VSTM2L: variants seen among roughly 807,000 people sequenced by gnomAD.
VSTM2L encodes V-set and transmembrane domain-containing protein 2-like protein.
A neutral mutation model predicts 19.9 loss-of-function variants in VSTM2L; 9 were observed. The ratio of observed to expected loss-of-function variants is 0.45; its 90% CI spans 0.27 to 0.79. VSTM2L has a LOEUF of 0.79. Ranked by LOEUF, VSTM2L falls within the 30% of genes least tolerant of loss-of-function variation. The probability of loss-of-function intolerance (pLI) is 0.15; values close to 1 mark genes in which losing one functional copy is unlikely to be tolerated. For synonymous variants in VSTM2L, 127 were observed against 133.8 expected, an observed-to-expected ratio of 0.95 and a Z score of 0.35; for missense variants, 286 against 295.5, an observed-to-expected ratio of 0.97 and a Z score of 0.24.
At chr20:37,927,708 G>C (rs114788093) in intron 1 of VSTM2L, among the ~76,000 whole-genome samples, 3 of 152,138 alleles carry the variant, frequency 2.0e-5, no homozygotes, top group Non-Finnish European at 4.4e-5. Context: ...TGGCAGGGGC[G>C]GGGGGGCCGT....
chr20:37,904,189 GC>G (rs1399702519), intron 1 of VSTM2L, among the ~76,000 whole-genome samples: 1 of 152,200 alleles, frequency 6.6e-6, no homozygotes, highest in Non-Finnish European at 1.5e-5. Flanking sequence ...CCTGGTGGAA[GC>G]CCCTCAGAGC....
intron 3 of VSTM2L, among the ~76,000 whole-genome samples, chr20:37,941,471 G>A (rs941643428): frequency 1.3e-5 from 2 of 152,106 alleles, no homozygotes; most frequent in African/African-American, 2.4e-5. Context: ...AGATTGGTAA[G>A]ACGATTAGAA....
At chr20:37,927,499 C>T (rs930996556) in intron 1 of VSTM2L, among the ~76,000 whole-genome samples, 1 of 152,164 alleles carries the variant, frequency 6.6e-6, no homozygotes, top group Non-Finnish European at 1.5e-5. Flanking sequence ...GGCCGTGTGG[C>T]GGGGTCCTCC....
Position 37,944,930 on chromosome 20 carries a change from G to A in VSTM2L, c.*677G>A. 1.0e-6 allele frequency: 1 copy of A among 985,926 alleles called. No homozygotes were observed. Among genetic ancestry groups the A allele is most frequent in the Non-Finnish European group, 1.2e-6 (1 of 830,036 alleles). The allele number at this position is 985,926 out of a possible 1,614,324, so 61.1% of individuals were successfully genotyped here. ...GCCCTGTCACACGGCGAGTCAGAAGGGAGGGGCCTTTCCCTCGGACCCATG... is the reference window on the plus strand; with the variant it reads ...GCCCTGTCACACGGCGAGTCAGAAGAGAGGGGCCTTTCCCTCGGACCCATG... On this transcript the variant is annotated 3_prime_UTR_variant, in exon 4 of 4. Coordinates refer to ENST00000373461, the MANE Select transcript of VSTM2L (RefSeq NM_080607.3).
At chr20:37,931,929 A>G in intron 2 of VSTM2L, 125 bp downstream of exon 2, 1 of 1,135,452 alleles carries the variant, frequency 8.8e-7, no homozygotes, top group Middle Eastern at 3.0e-4. Context: ...CACACCACAC[A>G]GCTGTCTCCC....
chr20:37,930,544 G>A (rs1263226327), intron 1 of VSTM2L, among the ~76,000 whole-genome samples: 2 of 152,220 alleles, frequency 1.3e-5, no homozygotes, highest in African/African-American at 4.8e-5. Context: ...CTGAGAAGAG[G>A]AAAGAATTCT....
At chr20:37,933,471 G>GCCC in intron 2 of VSTM2L, 68 bp from the exon 3 acceptor site, 1 of 1,255,736 alleles carries the variant, frequency 8.0e-7, no homozygotes. Flanking sequence ...TCCCCACACT[G>GCCC]CCACCCCACC....
intron 1 of VSTM2L, among the ~76,000 whole-genome samples, chr20:37,928,697 G>C (rs961446756): frequency 2.0e-5 from 3 of 152,118 alleles, no homozygotes; most frequent in African/African-American, 4.8e-5. Context: ...CAAGGCTGCC[G>C]CAAGCCTTGA....
At chr20:37,935,477 C>A (rs8115275) in intron 3 of VSTM2L, among the ~76,000 whole-genome samples, 1 of 152,170 alleles carries the variant, frequency 6.6e-6, no homozygotes, top group Non-Finnish European at 1.5e-5. Flanking sequence ...ACCTCACCCC[C>A]CTTCCCCTCC....
At chr20:37,906,387 G>A (rs2072752220) in intron 1 of VSTM2L, among the ~76,000 whole-genome samples, 1 of 152,204 alleles carries the variant, frequency 6.6e-6, no homozygotes, top group Non-Finnish European at 1.5e-5. Flanking sequence ...GCACCTAGTA[G>A]GTGCTCAATA....
Position 37,944,144 on chromosome 20 carries a change from C to T in VSTM2L, c.506C>T (p.Ser169Phe). 6.2e-7 allele frequency: 1 copy of T among 1,606,188 alleles called. No individual in the cohort carries two copies. Among genetic ancestry groups the T allele is most frequent in the Non-Finnish European group, 8.5e-7 (1 of 1,176,190 alleles). ...AYLRVQPGEN[S>F]VLHLPEAPPA... The stretch of plus-strand genomic sequence containing the variant: ...CTGCGGGTGCAGCCAGGGGAGAACT[C>T]CGTCCTGCATCTGCCCGAAGCCCCT... Residue 169 changes from serine to phenylalanine, a missense_variant, in exon 4 of 4, where the codon TCC (serine) becomes TTC (phenylalanine). Physicochemically the swap from Ser to Phe is radical, Grantham distance 155. Transcript: ENST00000373461.
At chr20:37,924,029 G>T (rs1244204732) in intron 1 of VSTM2L, among the ~76,000 whole-genome samples, 1 of 152,218 alleles carries the variant, frequency 6.6e-6, no homozygotes, top group Admixed American at 6.5e-5. Flanking sequence ...TTGAGCCCAG[G>T]AGTTTGAAAC....
chr20:37,935,855 G>A (rs568282632), intron 3 of VSTM2L, among the ~76,000 whole-genome samples: 1 of 151,496 alleles, frequency 6.6e-6, no homozygotes, highest in South Asian at 2.1e-4. Flanking sequence ...CATACGCCCA[G>A]GCCAATGTGT....
chr20:37,934,042 T>C (rs1467385843), intron 3 of VSTM2L, among the ~76,000 whole-genome samples: 4 of 152,256 alleles, frequency 2.6e-5, no homozygotes, highest in Non-Finnish European at 5.9e-5. Context: ...CCTTCTTATT[T>C]ATTGACTCAT....
Position 37,933,527 on chromosome 20 carries a change from C to G in VSTM2L, c.292-12C>G. ...TGTCTCTGCTCTCTCCGCCCCTCCCCGATCCCAACAGCTAAAAGCATCTCA... is the reference window on the plus strand; with the variant it reads ...TGTCTCTGCTCTCTCCGCCCCTCCCGGATCCCAACAGCTAAAAGCATCTCA... On this transcript the variant is annotated splice_polypyrimidine_tract_variant and intron_variant, in intron 2 of 3. Coordinates refer to ENST00000373461, the MANE Select transcript of VSTM2L (RefSeq NM_080607.3). 1 of 1,613,538 alleles carries G rather than the reference C, an allele frequency of 6.2e-7. No homozygotes were observed. The highest frequency in any genetic ancestry group is 8.5e-7 in the Non-Finnish European group (1 of 1,179,838).
intron 3 of VSTM2L, 64 bp from the exon 4 acceptor site, chr20:37,943,917 C>CT (rs970008354): frequency 6.6e-6 from 6 of 909,514 alleles, no homozygotes; most frequent in South Asian, 4.7e-5. Flanking sequence ...GACCCCCCCC[C>CT]CCGACTCTTC....
chr20:37,912,285 G>A (rs1378064773), intron 1 of VSTM2L, among the ~76,000 whole-genome samples: 2 of 152,226 alleles, frequency 1.3e-5, no homozygotes, highest in African/African-American at 2.4e-5. Context: ...CTGGAGCAGC[G>A]CTCCTGGCTT....
intron 1 of VSTM2L, among the ~76,000 whole-genome samples, chr20:37,904,744 G>C (rs903112565): frequency 2.6e-5 from 4 of 152,202 alleles, no homozygotes; most frequent in African/African-American, 9.7e-5. Flanking sequence ...AGGCAGGGTA[G>C]ATAATCAGGG....
chr20:37,930,449 A>G (rs2072901918), intron 1 of VSTM2L, among the ~76,000 whole-genome samples: 3 of 151,808 alleles, frequency 2.0e-5, no homozygotes. Flanking sequence ...CAGGAGGGAC[A>G]GGGTGGGGGC....
Sources: allele counts gnomAD v4.1 joint callset (sites outside exome capture counted in the v4.1 genomes callset), GRCh38; gene constraint gnomAD v4.1.1; transcripts MANE v1.5; gene names NCBI Gene and HGNC (gene_info 2026-07-23, HGNC 2026-07-21).